The following PRKG1 variants were observed in gnomAD, a reference collection of about 807,000 sequenced individuals.
PRKG1 encodes the protein cGMP-dependent protein kinase 1.
PRKG1 carries 35 observed loss-of-function variants against 88.1 expected under a neutral mutation model. The ratio of observed to expected loss-of-function variants is 0.40; its 90% CI spans 0.30 to 0.53. PRKG1 has a LOEUF of 0.53. Ranked by LOEUF, PRKG1 falls within the 20% of genes least tolerant of loss-of-function variation. The pLI, the probability that PRKG1 is intolerant of heterozygous loss-of-function variation, is 0.59. For missense variants in PRKG1, 540 were observed against 839.8 expected (o/e 0.64, Z 4.41); for synonymous variants, 303 against 292.5 (o/e 1.04, Z -0.37).
chr10:51,429,075 G>T (rs1015474077), intron 2 of PRKG1, among the ~76,000 whole-genome samples: 1 of 152,110 alleles, frequency 6.6e-6, no homozygotes, highest in Non-Finnish European at 1.5e-5. Flanking sequence ...AGGGTCCAGT[G>T]TGATTTAAAC....
At chr10:51,983,057 T>C (rs552662155) in intron 5 of PRKG1, among the ~76,000 whole-genome samples, 1 of 152,072 alleles carries the variant, frequency 6.6e-6, no homozygotes, top group South Asian at 2.1e-4. Flanking sequence ...TGTGCCCTCT[T>C]TGTGTGCTGC....
intron 2 of PRKG1, among the ~76,000 whole-genome samples, chr10:51,293,708 A>G (rs191215195): frequency 6.6e-6 from 1 of 152,134 alleles, no homozygotes; most frequent in Non-Finnish European, 1.5e-5. Context: ...TCTCTTCAAC[A>G]TACTGATTTT....
intron 3 of PRKG1, among the ~76,000 whole-genome samples, chr10:51,772,501 A>G (rs1165019623): frequency 6.6e-6 from 1 of 152,100 alleles, no homozygotes; most frequent in Non-Finnish European, 1.5e-5. Flanking sequence ...TTTTGTAAAT[A>G]TATTTATATA....
chr10:51,913,589 A>G (rs1422047623), intron 5 of PRKG1, among the ~76,000 whole-genome samples: 1 of 152,212 alleles, frequency 6.6e-6, no homozygotes, highest in Non-Finnish European at 1.5e-5. Context: ...AAAGTTGTGT[A>G]TACTTACAGG....
At chr10:51,467,538 G>C (rs1839939017) in intron 2 of PRKG1, among the ~76,000 whole-genome samples, 185 bp from the exon 3 acceptor site, 1 of 151,886 alleles carries the variant, frequency 6.6e-6, no homozygotes, top group African/African-American at 2.4e-5. Context: ...GTAAATTTAA[G>C]AAAATATGTA....
At chr10:51,146,022 A>C (rs1210757424) in intron 1 of PRKG1, among the ~76,000 whole-genome samples, 2 of 151,654 alleles carry the variant, frequency 1.3e-5, no homozygotes, top group African/African-American at 2.4e-5. Flanking sequence ...CGAAAAAACA[A>C]ACAAACAAAC....
chr10:51,418,024 T>C (rs1219180809), intron 2 of PRKG1, among the ~76,000 whole-genome samples: 2 of 152,324 alleles, frequency 1.3e-5, no homozygotes, highest in Middle Eastern at 3.4e-3. Flanking sequence ...CTGTCTTCCT[T>C]ACCCTTCGCA....
At chr10:51,070,797 C>T (rs1186102885), upstream of PRKG1, among the ~76,000 whole-genome samples, 3 of 152,092 alleles carry the variant, frequency 2.0e-5, no homozygotes, top group African/African-American at 7.2e-5. Flanking sequence ...TTCAACAGGC[C>T]ACAGTTTGGT....
intron 3 of PRKG1, among the ~76,000 whole-genome samples, chr10:51,714,557 A>G (rs1427321128): frequency 6.6e-6 from 1 of 152,226 alleles, no homozygotes; most frequent in Non-Finnish European, 1.5e-5. Flanking sequence ...GAGATGTAGA[A>G]GGCAAAGAAA....
At chr10:51,772,428 A>T (rs935972922) in intron 3 of PRKG1, among the ~76,000 whole-genome samples, 2 of 152,168 alleles carry the variant, frequency 1.3e-5, no homozygotes, top group Admixed American at 1.3e-4. Flanking sequence ...CTGGTGAATT[A>T]AAAAGAATGA....
chr10:52,230,777 G>A (rs1272315896), intron 9 of PRKG1: 34 of 152,178 alleles, frequency 2.2e-4, no homozygotes, highest in Admixed American at 2.2e-3. Flanking sequence ...CCTATCAAAA[G>A]ATAATGCTTA....
chr10:51,697,481 G>A (rs1841326598), intron 3 of PRKG1: 1 of 556,588 alleles, frequency 1.8e-6, no homozygotes, highest in Non-Finnish European at 3.2e-6. Flanking sequence ...TTATTTTAAA[G>A]TAACTTAAAG....
intron 3 of PRKG1, among the ~76,000 whole-genome samples, chr10:51,572,632 G>A (rs1423648426): frequency 1.3e-5 from 2 of 151,850 alleles, no homozygotes; most frequent in South Asian, 2.1e-4. Context: ...TCCAATTCCA[G>A]GGGCCTATTC....
intron 1 of PRKG1, among the ~76,000 whole-genome samples, chr10:51,113,745 A>AAAC (rs914276558): frequency 5.2e-5 from 7 of 134,604 alleles, no homozygotes; most frequent in African/African-American, 1.8e-4. Flanking sequence ...AAAAAAAAAA[A>AAAC]AAAACTAAAA....
At chr10:52,209,765 T>A (rs1839916197) in intron 9 of PRKG1, among the ~76,000 whole-genome samples, 1 of 152,052 alleles carries the variant, frequency 6.6e-6, no homozygotes, top group African/African-American at 2.4e-5. Context: ...CTCAAATCCA[T>A]CAGCAAATAT....
intron 2 of PRKG1, among the ~76,000 whole-genome samples, chr10:51,306,890 A>G (rs1234778224): frequency 6.6e-6 from 1 of 152,196 alleles, no homozygotes; most frequent in African/African-American, 2.4e-5. Flanking sequence ...ACTTCAACTT[A>G]GAAAGTTCAA....
intron 2 of PRKG1, among the ~76,000 whole-genome samples, chr10:51,166,667 T>C (rs1271104886): frequency 6.6e-6 from 1 of 152,138 alleles, no homozygotes; most frequent in South Asian, 2.1e-4. Flanking sequence ...ATTCTAGTAC[T>C]CAAAGGCACA....
chr10:51,787,879 G>T (rs371310601), intron 3 of PRKG1, among the ~76,000 whole-genome samples: 2 of 152,136 alleles, frequency 1.3e-5, no homozygotes, highest in Non-Finnish European at 2.9e-5. Flanking sequence ...AGGTGAGGCA[G>T]GCATGAGGAG....
chr10:51,261,574 C>T (rs989092950), intron 2 of PRKG1, among the ~76,000 whole-genome samples: 3 of 152,092 alleles, frequency 2.0e-5, no homozygotes, highest in African/African-American at 4.8e-5. Flanking sequence ...TAGGTTTATC[C>T]CATTTATGCC....
Sources: gnomAD v4.1 joint callset for allele counts (sites outside exome capture counted in the v4.1 genomes callset) on GRCh38, gnomAD v4.1.1 for gene constraint, MANE v1.5 for transcripts, NCBI Gene and HGNC (gene_info 2026-07-23, HGNC 2026-07-21) for gene names.